Variants in CACNA1B observed in about 807,000 individuals in gnomAD.
CACNA1B encodes calcium voltage-gated channel subunit alpha1 B, also known as voltage-dependent N-type calcium channel subunit alpha-1B.
CACNA1B carries 70 observed loss-of-function variants against 247.2 expected under a neutral mutation model. The ratio of observed to expected loss-of-function variants is 0.28; its 90% CI spans 0.23 to 0.35. The LOEUF (loss-of-function observed/expected upper bound fraction) is 0.35. CACNA1B is among the 10% of genes least tolerant of loss of function. The pLI is 1.00. For missense variants in CACNA1B, 2,367 were observed against 3,197.4 expected, an observed-to-expected ratio of 0.74 and a Z score of 6.26; for synonymous variants, 1,231 against 1,294.4, an observed-to-expected ratio of 0.95 and a Z score of 1.05.
rs1318331161 is a variant in CACNA1B at position 138,101,320 on chromosome 9, G to A, written c.5223-1391G>A. 6 of 449,092 alleles carry A rather than the reference G, an allele frequency of 1.3e-5. No individual in the cohort carries two copies. In the East Asian group the frequency reaches 2.1e-4, roughly 16 times the overall value. 27.8% of individuals were successfully genotyped at this position (449,092 alleles called of 1,614,324 possible). On this transcript the variant is annotated intron_variant, in intron 37 of 46. Coordinates refer to ENST00000371372, the MANE Select transcript of CACNA1B (RefSeq NM_000718.4). The stretch of plus-strand genomic sequence containing the variant: ...CCTTTCTTTCCTCCTGTCCTGCCCC[G>A]CACTCCAGCCTCCTGGACGCTTTGG...
In CACNA1B at chr9:138,023,865, G is replaced by A. The variant is rs555620155; in HGVS notation, c.3068+54G>A. On this transcript the variant is annotated intron_variant, in intron 19 of 46. Coordinates refer to ENST00000371372, the MANE Select transcript of CACNA1B (RefSeq NM_000718.4). ...AGGGAAGGGTTGGCCGGGGCGGCGC[G>A]GGCCCCAGCGGTGGCTGCGGCCATG... 50 of 890,660 alleles carry A rather than the reference G, an allele frequency of 5.6e-5. No homozygotes were observed. In the African/African-American group the frequency reaches 7.3e-4, roughly 13 times the overall value. The allele number at this position is 890,660 out of a possible 1,614,324, so 55.2% of individuals were successfully genotyped here.
chr9:137,885,960 A>G (rs1289304344), intron 3 of CACNA1B, among the ~76,000 whole-genome samples: 14 of 151,356 alleles, frequency 9.2e-5, no homozygotes, highest in African/African-American at 3.2e-4. Context: ...CATGCTCTTG[A>G]CTGGGTCAGC....
intron 13 of CACNA1B, 44 bp downstream of exon 13, chr9:137,984,294 G>A: frequency 7.2e-7 from 1 of 1,379,828 alleles, no homozygotes; most frequent in Non-Finnish European, 1.0e-6. Flanking sequence ...GTAGGGTGGA[G>A]AGGGCGTGGG....
intron 36 of CACNA1B, among the ~76,000 whole-genome samples, chr9:138,081,654 T>C (rs1960526319): frequency 6.6e-6 from 1 of 151,114 alleles, no homozygotes; most frequent in South Asian, 2.1e-4. Context: ...TATGAATACA[T>C]TAAGTATTTT....
Position 138,122,052 on chromosome 9 carries a change from A to AT in CACNA1B, c.*54dup. On this transcript the variant is annotated 3_prime_UTR_variant, in exon 47 of 47. Coordinates refer to ENST00000371372, the MANE Select transcript of CACNA1B (RefSeq NM_000718.4). ...ATGCAGCAGGCGTGTGTTCCAGTGG[A>AT]TGAGTTTTATCATCCACACGGGGCA... The AT allele has an allele frequency of 6.7e-7, 1 of 1,494,758 alleles. No homozygotes were observed. The highest frequency in any genetic ancestry group is 9.0e-7 in the Non-Finnish European group (1 of 1,114,534). 92.6% of individuals were successfully genotyped at this position (1,494,758 alleles called of 1,614,324 possible).
At chr9:137,981,359 C>T (rs1958291372) in intron 12 of CACNA1B, among the ~76,000 whole-genome samples, 1 of 152,076 alleles carries the variant, frequency 6.6e-6, no homozygotes, top group African/African-American at 2.4e-5. Flanking sequence ...AATGCAGTTT[C>T]CTTGGTTTAT....
chr9:138,111,831 G>A (rs2131361966), intron 39 of CACNA1B, among the ~76,000 whole-genome samples: 1 of 152,200 alleles, frequency 6.6e-6, no homozygotes, highest in East Asian at 1.9e-4. Flanking sequence ...GGGCACACAG[G>A]CCTCCTCGGG....
intron 15 of CACNA1B, among the ~76,000 whole-genome samples, chr9:137,993,696 A>G (rs1958462549): frequency 6.6e-6 from 1 of 152,198 alleles, no homozygotes; most frequent in African/African-American, 2.4e-5. Flanking sequence ...CGAGATTGAA[A>G]TGGTAATAAA....
At chr9:138,061,460 A>G (rs900555270) in intron 31 of CACNA1B, among the ~76,000 whole-genome samples, 6 of 152,126 alleles carry the variant, frequency 3.9e-5, no homozygotes, top group Non-Finnish European at 8.8e-5. Context: ...ACCCAGTACC[A>G]TCGATTGGCC....
At chr9:138,101,283 G>GA in intron 37 of CACNA1B, 1 of 471,470 alleles carries the variant, frequency 2.1e-6, no homozygotes. Context: ...GTTTGGGAAT[G>GA]ACGACGCCTC....
In CACNA1B at chr9:138,073,298, G is replaced by A. The variant is rs1350641085; in HGVS notation, c.4675-190G>A. Among the ~76,000 whole-genome samples the A allele has an allele frequency of 2.6e-5, 4 of 152,202 alleles. No homozygotes were observed. The highest frequency in any genetic ancestry group is 9.6e-5 in the African/African-American group (4 of 41,454). On this transcript the variant is annotated intron_variant, in intron 32 of 46. Coordinates refer to ENST00000371372, the MANE Select transcript of CACNA1B (RefSeq NM_000718.4). This position sits in a 1 kb window ranked among gnomAD's most constrained non-coding sequence, Gnocchi z 6.4. ...CATGAGAAGTGATTTGCAAGGACAA[G>A]CTTTACTTCTGGAAGATTTTCTGGT... is the stretch of plus-strand genomic sequence containing the variant.
intron 20 of CACNA1B, among the ~76,000 whole-genome samples, chr9:138,027,395 CT>C (rs1210767240): frequency 1.3e-5 from 2 of 152,140 alleles, no homozygotes; most frequent in African/African-American, 4.8e-5. Context: ...CTGATTCCCC[CT>C]TTTTTTCCGA....
chr9:138,003,004 G>A (rs774185831), intron 15 of CACNA1B, among the ~76,000 whole-genome samples: 18 of 151,560 alleles, frequency 1.2e-4, no homozygotes, highest in Non-Finnish European at 1.8e-4. Flanking sequence ...TCACTGTGTT[G>A]GCCAGGCTGG....
intron 3 of CACNA1B, among the ~76,000 whole-genome samples, chr9:137,883,247 G>T (rs1468630125): frequency 6.6e-6 from 1 of 150,892 alleles, no homozygotes; most frequent in Non-Finnish European, 1.5e-5. Context: ...CGAGGAGGAG[G>T]GCTGGACTTC....
chr9:137,918,593 T>C (rs1957444042), intron 6 of CACNA1B, among the ~76,000 whole-genome samples: 1 of 151,964 alleles, frequency 6.6e-6, no homozygotes, highest in African/African-American at 2.4e-5. Flanking sequence ...CACGTGTGCC[T>C]GGGAGCCTGT....
chr9:137,988,035 C>T (rs1338754744), intron 15 of CACNA1B, among the ~76,000 whole-genome samples: 2 of 152,220 alleles, frequency 1.3e-5, no homozygotes, highest in Non-Finnish European at 1.5e-5. Flanking sequence ...TGTCAGCCTC[C>T]GACTGTCCTC....
At chr9:138,079,742 C>CAAAAAAAA in intron 36 of CACNA1B, among the ~76,000 whole-genome samples, 1 of 41,828 alleles carries the variant, frequency 2.4e-5, no homozygotes, top group Non-Finnish European at 4.8e-5. Flanking sequence ...GACTCCATCT[C>CAAAAAAAA]AAAAAAAAAA....
intron 15 of CACNA1B, among the ~76,000 whole-genome samples, chr9:137,991,231 T>TA (rs1187984963): frequency 9.2e-5 from 14 of 152,174 alleles, no homozygotes; most frequent in South Asian, 8.3e-4. Context: ...TGAAATCGCA[T>TA]AAAAAAATCA....
At chr9:138,001,627 A>G (rs1958579013) in intron 15 of CACNA1B, among the ~76,000 whole-genome samples, 1 of 152,124 alleles carries the variant, frequency 6.6e-6, no homozygotes, top group Non-Finnish European at 1.5e-5. Flanking sequence ...ATAGAAAAAA[A>G]CTATTATTAT....
Sources: gnomAD v4.1 joint callset for allele counts (sites outside exome capture counted in the v4.1 genomes callset) on GRCh38, gnomAD v4.1.1 for gene constraint, Gnocchi (gnomAD v3.1) non-coding constraint, MANE v1.5 for transcripts, NCBI Gene and HGNC (gene_info 2026-07-23, HGNC 2026-07-21) for gene names.